The following PROS1 variants were observed in gnomAD, a reference collection of about 807,000 sequenced individuals.
The protein encoded by PROS1 is vitamin K-dependent protein S.
A neutral mutation model predicts 75.9 loss-of-function variants in PROS1; 29 were observed. The ratio of observed to expected loss-of-function variants is 0.38; its 90% CI spans 0.28 to 0.52. The LOEUF (loss-of-function observed/expected upper bound fraction) is 0.52, where lower values mean the gene tolerates loss of function less well. Among genes scored for constraint, PROS1 ranks in the 20% least tolerant of loss-of-function variants. PROS1 has a pLI of 0.83. For synonymous variants in PROS1, 245 were observed against 280.6 expected, an observed-to-expected ratio of 0.87 and a Z score of 1.27; for missense variants, 680 against 810.3, an observed-to-expected ratio of 0.84 and a Z score of 1.95.
At chr3:93,901,700 G>A (rs1200021868) in intron 6 of PROS1, among the ~76,000 whole-genome samples, 1 of 152,014 alleles carries the variant, frequency 6.6e-6, no homozygotes, top group Non-Finnish European at 1.5e-5. Flanking sequence ...TCAAAATTTA[G>A]GATATTATTT....
intron 4 of PROS1, among the ~76,000 whole-genome samples, chr3:93,908,814 A>G (rs1178852353): frequency 6.6e-6 from 1 of 152,216 alleles, no homozygotes; most frequent in Non-Finnish European, 1.5e-5. Flanking sequence ...TGTATTCCAC[A>G]TAAGTTACCT....
intron 1 of PROS1, among the ~76,000 whole-genome samples, chr3:93,960,532 CTTTTTTTTTTTTTTTT>C (rs774875701): frequency 4.0e-5 from 2 of 50,144 alleles, no homozygotes; most frequent in Non-Finnish European, 3.7e-5. Context: ...CTCCATTGCT[CTTTTTTTTTTTTTTTT>C]TTTTTTTTTT....
In PROS1 at chr3:93,896,641, A is replaced by G. The variant is rs376814926; in HGVS notation, c.900T>C (p.Leu300=). 6.2e-7 allele frequency: 1 copy of G among 1,613,910 alleles called. No individual in the cohort carries two copies. Among genetic ancestry groups the G allele is most frequent in the African/African-American group, 1.3e-5 (1 of 75,048 alleles). ...CCCCTGCAAACTGCTCCGCCAAGTA[A>G]AGTAATTCATACTTTGTGTCAAGGT... The part of the protein sequence containing the change: ...PLNLDTKYEL[L]YLAEQFAGVV... Residue 300 remains leucine (L), a synonymous_variant, in exon 9 of 15, where the codon CTT becomes CTC. Transcript: ENST00000394236.
intron 1 of PROS1, among the ~76,000 whole-genome samples, chr3:93,964,257 T>C (rs1470967465): frequency 1.3e-5 from 2 of 152,152 alleles, no homozygotes; most frequent in African/African-American, 2.4e-5. Flanking sequence ...CCCTGCGGGG[T>C]TGGGCAAAAA....
intron 3 of PROS1, among the ~76,000 whole-genome samples, chr3:93,919,191 C>A (rs1469578334): frequency 6.6e-6 from 1 of 152,144 alleles, no homozygotes; most frequent in African/African-American, 2.4e-5. Flanking sequence ...GGAATAGATA[C>A]CCAGTGGTGG....
intron 1 of PROS1, among the ~76,000 whole-genome samples, chr3:93,932,029 C>T (rs1709113586): frequency 6.6e-6 from 1 of 152,162 alleles, no homozygotes; most frequent in Non-Finnish European, 1.5e-5. Flanking sequence ...CATCATGAAC[C>T]CAAATTAAAA....
chr3:93,929,784 T>C (rs1709077047), intron 1 of PROS1, among the ~76,000 whole-genome samples: 2 of 152,228 alleles, frequency 1.3e-5, no homozygotes, highest in African/African-American at 4.8e-5. Context: ...TTTTAGCATG[T>C]TAATACAGCT....
At chr3:93,903,180 T>A (rs1189791270) in intron 6 of PROS1, among the ~76,000 whole-genome samples, 3 of 152,124 alleles carry the variant, frequency 2.0e-5, no homozygotes, top group African/African-American at 7.2e-5. Flanking sequence ...AACAGTTTTT[T>A]ATATATTCTT....
intron 1 of PROS1, among the ~76,000 whole-genome samples, chr3:93,944,447 C>T (rs1709346955): frequency 6.6e-6 from 1 of 152,130 alleles, no homozygotes; most frequent in Non-Finnish European, 1.5e-5. Context: ...GAAATTATAA[C>T]AAACTGTCTC....
chr3:93,968,610 A>C (rs1709824057), intron 1 of PROS1, among the ~76,000 whole-genome samples: 2 of 152,184 alleles, frequency 1.3e-5, no homozygotes. Flanking sequence ...GCTCACCTAC[A>C]AATTTGGAAA....
In PROS1 at chr3:93,874,256, T is replaced by C. The variant is rs751695331; in HGVS notation, c.2020A>G (p.Lys674Glu). Reference sequence around the variant, plus strand: ...AGAGAAAAGATGCCTTAAGAATTCTTTGTCTTTTTCCAAACTGATGGACAT... The same window carrying C: ...AGAGAAAAGATGCCTTAAGAATTCTCTGTCTTTTTCCAAACTGATGGACAT... ...HSCPSVWKKT[K>E]NS The change falls in exon 15 of 15, where the codon AAG becomes GAG. Residue 674 changes from lysine to glutamate, a missense_variant. By Grantham distance (56) the Lys-to-Glu change is moderately conservative. Transcript: ENST00000394236. The C allele has an allele frequency of 3.7e-6, 6 of 1,613,328 alleles. No homozygotes were observed. The highest frequency in any genetic ancestry group is 5.1e-6 in the Non-Finnish European group (6 of 1,179,454).
At chr3:93,904,560 A>C (rs544407580) in intron 6 of PROS1, among the ~76,000 whole-genome samples, 2 of 152,316 alleles carry the variant, frequency 1.3e-5, no homozygotes, top group South Asian at 4.1e-4. Context: ...GCTTTACCAA[A>C]ATATATATAA....
At chr3:93,963,913 T>C (rs947427173) in intron 1 of PROS1, among the ~76,000 whole-genome samples, 2 of 152,156 alleles carry the variant, frequency 1.3e-5, no homozygotes, top group African/African-American at 2.4e-5. Flanking sequence ...CTTTCTTTTC[T>C]GTTGCAGGAA....
intron 14 of PROS1, among the ~76,000 whole-genome samples, chr3:93,875,521 T>C (rs980223284): frequency 6.6e-6 from 1 of 152,166 alleles, no homozygotes; most frequent in African/African-American, 2.4e-5. Flanking sequence ...TAAAATTGCA[T>C]TCAACTAACT....
chr3:93,926,137 T>C (rs1709012791), intron 2 of PROS1, among the ~76,000 whole-genome samples: 1 of 151,814 alleles, frequency 6.6e-6, no homozygotes, highest in African/African-American at 2.4e-5. Flanking sequence ...TATTCCAGAA[T>C]AACAAAACAA....
chr3:93,966,557 T>C (rs936723693), intron 1 of PROS1, among the ~76,000 whole-genome samples: 1 of 152,148 alleles, frequency 6.6e-6, no homozygotes, highest in Admixed American at 6.5e-5. Context: ...CAATGGGAGA[T>C]GCTCAGCATT....
chr3:93,956,533 T>TCCACACAC (rs1411361636), intron 1 of PROS1, among the ~76,000 whole-genome samples: 2 of 113,258 alleles, frequency 1.8e-5, no homozygotes, highest in Non-Finnish European at 3.7e-5. Flanking sequence ...TCTCTCTCTC[T>TCCACACAC]ACACACACAC....
intron 1 of PROS1, among the ~76,000 whole-genome samples, chr3:93,971,688 G>T (rs956597188): frequency 6.7e-6 from 1 of 149,774 alleles, no homozygotes; most frequent in Admixed American, 6.7e-5. Context: ...AGCTGGGTGC[G>T]GTGCTAGATA....
At chr3:93,923,169 CAA>C (rs1335403194) in intron 3 of PROS1, among the ~76,000 whole-genome samples, 2 of 151,986 alleles carry the variant, frequency 1.3e-5, no homozygotes, top group Admixed American at 1.3e-4. Context: ...ATGAGATAGG[CAA>C]AGAGAAGAGT....
Sources: gnomAD v4.1 joint callset for allele counts (sites outside exome capture counted in the v4.1 genomes callset) on GRCh38, gnomAD v4.1.1 for gene constraint, MANE v1.5 for transcripts, NCBI Gene and HGNC (gene_info 2026-07-23, HGNC 2026-07-21) for gene names.